Variants in SPECC1L observed in about 807,000 individuals in gnomAD.
SPECC1L encodes sperm antigen with calponin homology and coiled-coil domains 1 like, also known as cytospin-A.
Under a neutral mutation model 116.8 loss-of-function variants are expected in SPECC1L, and 40 were observed. The observed-to-expected ratio is 0.34, with a 90% CI of 0.27 to 0.45. The LOEUF (loss-of-function observed/expected upper bound fraction) is 0.45. SPECC1L is among the 20% of genes least tolerant of loss of function. The pLI is 1.00. For missense variants in SPECC1L, 1,110 were observed against 1,373.6 expected (o/e 0.81, Z 3.03); for synonymous variants, 504 against 500.6 (o/e 1.01, Z -0.09).
At chr22:24,406,176 A>C (rs2042587653) in intron 14 of SPECC1L, among the ~76,000 whole-genome samples, 2 of 152,212 alleles carry the variant, frequency 1.3e-5, no homozygotes, top group South Asian at 2.1e-4. Flanking sequence ...AGAAAGCAAC[A>C]GAAAGTTTAG....
Position 24,338,400 on chromosome 22 carries a change from G to A in SPECC1L, c.2575G>A (p.Ala859Thr), listed in dbSNP as rs200284867. ...TGTTTTTGTAGTACCAAACCCTGCT[G>A]CAGCTGCAATTCCTCGAACGCCCCT... ...DSASQVPNPA[A>T]AAIPRTPLSP... Residue 859 changes from alanine to threonine, a missense_variant, in exon 10 of 17, where the codon GCA becomes ACA. Coordinates refer to ENST00000314328, the MANE Select transcript of SPECC1L (RefSeq NM_015330.6). 1 of 1,613,998 alleles carries A rather than the reference G, an allele frequency of 6.2e-7. No homozygotes were observed. Among genetic ancestry groups the A allele is most frequent in the Non-Finnish European group, 8.5e-7 (1 of 1,179,946 alleles).
intron 2 of SPECC1L, among the ~76,000 whole-genome samples, chr22:24,284,248 T>G (rs1161768793): frequency 6.6e-6 from 1 of 152,148 alleles, no homozygotes; most frequent in African/African-American, 2.4e-5. Context: ...TAAAGGTAAT[T>G]TAAGGATAGC....
At chr22:24,276,147 G>C (rs2048832100) in intron 1 of SPECC1L, among the ~76,000 whole-genome samples, 1 of 152,130 alleles carries the variant, frequency 6.6e-6, no homozygotes, top group South Asian at 2.1e-4. Flanking sequence ...AAGGTGAAGA[G>C]GAGAGGACTG....
chr22:24,303,211 A>G (rs1476427868), intron 3 of SPECC1L, among the ~76,000 whole-genome samples: 2 of 152,152 alleles, frequency 1.3e-5, no homozygotes, highest in African/African-American at 4.8e-5. Flanking sequence ...CCGATGAGGA[A>G]CTTCCTTATA....
intron 14 of SPECC1L, among the ~76,000 whole-genome samples, chr22:24,379,265 C>G (rs1185229416): frequency 6.6e-6 from 1 of 151,468 alleles, no homozygotes; most frequent in Non-Finnish European, 1.5e-5. Flanking sequence ...TACCTCAGCC[C>G]AGCTACTTGG....
At chr22:24,345,909 T>C (rs2041282408) in intron 10 of SPECC1L, among the ~76,000 whole-genome samples, 1 of 152,022 alleles carries the variant, frequency 6.6e-6, no homozygotes, top group Admixed American at 6.5e-5. Context: ...GTGGTCTGCA[T>C]GATAGTAAAT....
rs191557902 is a variant in SPECC1L at position 24,395,699 on chromosome 22, G to A, written c.3088-15889G>A. Among the ~76,000 whole-genome samples the A allele has an allele frequency of 2.6e-4, 39 of 151,910 alleles. No homozygotes were observed. In the East Asian group the frequency reaches 5.0e-3, roughly 20 times the overall value. On this transcript the variant is annotated intron_variant, in intron 14 of 16. Transcript: ENST00000314328. ...GTCTCCCAGGCTGGAGTGCAGTGGC[G>A]TGATATCAGCTCACTGGAACCTCTG... is the stretch of plus-strand genomic sequence containing the variant.
At chr22:24,365,260 G>A (rs1299523226) in intron 12 of SPECC1L, among the ~76,000 whole-genome samples, 1 of 151,996 alleles carries the variant, frequency 6.6e-6, no homozygotes, top group East Asian at 1.9e-4. Flanking sequence ...TGCCTGCCTC[G>A]GCCTCCCAAA....
chr22:24,402,043 A>G (rs1215397970), intron 14 of SPECC1L, among the ~76,000 whole-genome samples: 6 of 151,566 alleles, frequency 4.0e-5, no homozygotes, highest in African/African-American at 1.5e-4. Context: ...CCATGTAAGT[A>G]CCAACACCTG....
At chr22:24,363,414 A>G (rs1423623788) in intron 12 of SPECC1L, 70 bp downstream of exon 12, 13 of 1,343,748 alleles carry the variant, frequency 9.7e-6, no homozygotes, top group Non-Finnish European at 1.4e-5. Flanking sequence ...TATGTTGCCC[A>G]GGCTGATCTC....
Position 24,394,502 on chromosome 22 carries a change from T to C in SPECC1L, c.3088-17086T>C, listed in dbSNP as rs2042329886. On this transcript the variant is annotated intron_variant, in intron 14 of 16. Coordinates refer to ENST00000314328, the MANE Select transcript of SPECC1L (RefSeq NM_015330.6). ...GGATTAGGATTTCAACATAAGAATT[T>C]GGGGAAACAGGAATATTCAGTCCAT... is the stretch of plus-strand genomic sequence containing the variant. Among the ~76,000 whole-genome samples the C allele has an allele frequency of 1.3e-5, 2 of 152,204 alleles. 1 individual carries two copies. The highest frequency in any genetic ancestry group is 4.1e-4 in the South Asian group (2 of 4,824).
intron 13 of SPECC1L, among the ~76,000 whole-genome samples, chr22:24,367,706 A>T (rs905081884): frequency 3.9e-5 from 6 of 152,186 alleles, no homozygotes; most frequent in Non-Finnish European, 8.8e-5. Context: ...CCTCTCAATT[A>T]GAAAAGCTTC....
chr22:24,284,560 G>A (rs538199266), intron 2 of SPECC1L, among the ~76,000 whole-genome samples: 34 of 151,974 alleles, frequency 2.2e-4, no homozygotes, highest in Non-Finnish European at 3.4e-4. Context: ...TCAGCCTCCC[G>A]AGTAGCTGGG....
intron 10 of SPECC1L, among the ~76,000 whole-genome samples, chr22:24,342,372 T>C (rs556299677): frequency 6.6e-5 from 10 of 152,098 alleles, no homozygotes; most frequent in East Asian, 1.9e-4. Context: ...GTGAAAGATA[T>C]GAAAAAGAAT....
intron 1 of SPECC1L, among the ~76,000 whole-genome samples, chr22:24,272,714 TAACCA>T (rs1488604969): frequency 6.6e-6 from 1 of 150,776 alleles, no homozygotes; most frequent in African/African-American, 2.4e-5. Flanking sequence ...TGTTGTAAAA[TAACCA>T]AACCAACATA....
intron 4 of SPECC1L, among the ~76,000 whole-genome samples, chr22:24,313,952 T>C (rs2146444501): frequency 6.6e-6 from 1 of 152,248 alleles, no homozygotes; most frequent in African/African-American, 2.4e-5. Context: ...TTGGTCAGGC[T>C]GGTCTCGAAC....
rs1378976215 is a variant in SPECC1L at position 24,322,177 on chromosome 22, G to T, written c.1197G>T (p.Arg399=). Residue 399 remains arginine (R), a synonymous_variant, in exon 5 of 17, where the codon CGG becomes CGT. Coordinates refer to ENST00000314328, the MANE Select transcript of SPECC1L (RefSeq NM_015330.6). ...SEVSVACLTE[R]IHQMEENQHS... ...TGTCCGTGGCTTGCCTGACTGAACG[G>T]ATACACCAGATGGAAGAGAACCAAC... is the stretch of plus-strand genomic sequence containing the variant. 1.9e-6 allele frequency: 3 copies of T among 1,613,926 alleles called. No individual in the cohort carries two copies. The highest frequency in any genetic ancestry group is 1.7e-5 in the Admixed American group (1 of 60,028).
chr22:24,368,821 AT>A (rs2041821248), intron 13 of SPECC1L, among the ~76,000 whole-genome samples: 1 of 152,008 alleles, frequency 6.6e-6, no homozygotes. Flanking sequence ...TAATTTTTAT[AT>A]TTTTATTAGC....
At chr22:24,352,672 G>A (rs536124203) in intron 11 of SPECC1L, among the ~76,000 whole-genome samples, 1 of 152,206 alleles carries the variant, frequency 6.6e-6, no homozygotes, top group South Asian at 2.1e-4. Context: ...CTCAGCTTTA[G>A]ATCTAGCCTT....
Sources: gnomAD v4.1 joint callset for allele counts (sites outside exome capture counted in the v4.1 genomes callset) on GRCh38, gnomAD v4.1.1 for gene constraint, MANE v1.5 for transcripts, NCBI Gene and HGNC (gene_info 2026-07-23, HGNC 2026-07-21) for gene names.